Variants in PRKG1 observed in about 807,000 individuals in gnomAD.
PRKG1 encodes the protein protein kinase cGMP-dependent 1, also known as cGMP-dependent protein kinase 1.
Under a neutral mutation model 88.1 loss-of-function variants are expected in PRKG1, and 35 were observed. That is an observed-to-expected ratio of 0.40 (90% CI 0.30 to 0.53). The LOEUF (loss-of-function observed/expected upper bound fraction) is 0.53, where lower values mean the gene tolerates loss of function less well. PRKG1 is among the 20% of genes least tolerant of loss of function. PRKG1 has a pLI of 0.59. For synonymous variants in PRKG1, 303 were observed against 292.5 expected, an observed-to-expected ratio of 1.04 and a Z score of -0.37; for missense variants, 540 against 839.8, an observed-to-expected ratio of 0.64 and a Z score of 4.41.
intron 8 of PRKG1, among the ~76,000 whole-genome samples, chr10:52,134,512 A>C (rs1041155101): frequency 7.9e-5 from 12 of 152,260 alleles, no homozygotes; most frequent in African/African-American, 2.9e-4. Flanking sequence ...ATGCTTTATA[A>C]GTTAAGCTGC....
At chr10:52,274,327 T>A (rs2132437295) in intron 12 of PRKG1, among the ~76,000 whole-genome samples, 1 of 147,788 alleles carries the variant, frequency 6.8e-6, no homozygotes, top group East Asian at 2.1e-4. Context: ...TCGTATGCCT[T>A]TGTATCCTCA....
intron 9 of PRKG1, among the ~76,000 whole-genome samples, chr10:52,218,670 G>A (rs1374675309): frequency 6.6e-6 from 1 of 152,040 alleles, no homozygotes; most frequent in East Asian, 1.9e-4. Flanking sequence ...AGAAAATTGT[G>A]TTGCAAAAAT....
rs116550635 is a variant in PRKG1 at position 51,420,553 on chromosome 10, C to A, written c.479-47170C>A. Among the ~76,000 whole-genome samples, 1,022 of 152,254 alleles carry A rather than the reference C, an allele frequency of 6.7e-3. 13 individuals carry two copies. The highest frequency in any genetic ancestry group is 0.024 in the African/African-American group (986 of 41,550). Reference sequence around the variant, plus strand: ...AAAACAGCAAATCCAGAGGTATCATCTAGGGGCTGAGAACCACAGTAGCTA... The same window carrying A: ...AAAACAGCAAATCCAGAGGTATCATATAGGGGCTGAGAACCACAGTAGCTA... On this transcript the variant is annotated intron_variant, in intron 2 of 17. Transcript: ENST00000373980.
In PRKG1 at chr10:52,197,435, T is replaced by C. The variant is rs375945022; in HGVS notation, c.1076+35472T>C. Among the ~76,000 whole-genome samples, 18 of 152,012 alleles carry C rather than the reference T, an allele frequency of 1.2e-4. No homozygotes were observed. The East Asian group carries it at 1.7e-3, about 15-fold the overall frequency. On this transcript the variant is annotated intron_variant, in intron 9 of 17. Transcript: ENST00000373980. ...ATATCAAGAGAATAGAAACATTTAC[T>C]TATGACAAGTGTTATGTCCTTGTGA...
At chr10:51,979,299 G>T (rs1843931834) in intron 5 of PRKG1, among the ~76,000 whole-genome samples, 1 of 151,420 alleles carries the variant, frequency 6.6e-6, no homozygotes, top group African/African-American at 2.4e-5. Flanking sequence ...GAATCTTAGG[G>T]ATAAAGCCTA....
chr10:51,633,281 A>G (rs1839572009), intron 3 of PRKG1, among the ~76,000 whole-genome samples: 1 of 152,062 alleles, frequency 6.6e-6, no homozygotes, highest in Admixed American at 6.6e-5. Flanking sequence ...TTTCTATACT[A>G]AAAGAAAAAA....
chr10:51,719,305 A>G (rs1046551523), intron 3 of PRKG1, among the ~76,000 whole-genome samples: 1 of 152,140 alleles, frequency 6.6e-6, no homozygotes, highest in African/African-American at 2.4e-5. Flanking sequence ...AAAAGCAGTA[A>G]CTTTATAATG....
At chr10:51,592,573 T>C (rs1319785189) in intron 3 of PRKG1, among the ~76,000 whole-genome samples, 1 of 152,176 alleles carries the variant, frequency 6.6e-6, no homozygotes, top group African/African-American at 2.4e-5. Flanking sequence ...GAGGATTCCA[T>C]GGCCTTCGTC....
At chr10:51,922,387 A>G (rs1233622740) in intron 5 of PRKG1, among the ~76,000 whole-genome samples, 1 of 151,148 alleles carries the variant, frequency 6.6e-6, no homozygotes, top group Non-Finnish European at 1.5e-5. Context: ...TTTTGTTTTC[A>G]GTTTCATTGA....
At chr10:51,939,435 C>G (rs973143575) in intron 5 of PRKG1, among the ~76,000 whole-genome samples, 2 of 151,762 alleles carry the variant, frequency 1.3e-5, no homozygotes, top group African/African-American at 2.4e-5. Context: ...TTGATTACAA[C>G]CCTGAACAGA....
chr10:51,221,640 AC>A (rs1293064504), intron 2 of PRKG1, among the ~76,000 whole-genome samples: 1 of 151,468 alleles, frequency 6.6e-6, no homozygotes, highest in Non-Finnish European at 1.5e-5. Flanking sequence ...AGATTGGCAA[AC>A]TTTTTTTTTC....
At chr10:51,889,986 A>C (rs1230895913) in intron 4 of PRKG1, among the ~76,000 whole-genome samples, 1 of 152,040 alleles carries the variant, frequency 6.6e-6, no homozygotes, top group Non-Finnish European at 1.5e-5. Context: ...AGATTGCAAA[A>C]ATTTTCTCCC....
intron 10 of PRKG1, among the ~76,000 whole-genome samples, chr10:52,257,988 A>G (rs887109022): frequency 7.2e-6 from 1 of 139,724 alleles, no homozygotes; most frequent in South Asian, 2.3e-4. Context: ...GCATTACTTC[A>G]TCTCATTATT....
chr10:51,905,428 G>A (rs1413350098), intron 4 of PRKG1, among the ~76,000 whole-genome samples: 1 of 152,092 alleles, frequency 6.6e-6, no homozygotes, highest in African/African-American at 2.4e-5. Context: ...TGGTATCATT[G>A]TAATCAAGCC....
chr10:51,530,008 T>G (rs935982381), intron 3 of PRKG1, among the ~76,000 whole-genome samples: 1 of 152,204 alleles, frequency 6.6e-6, no homozygotes, highest in Non-Finnish European at 1.5e-5. Context: ...TTTTAACTAG[T>G]CTGGAAGCAA....
intron 4 of PRKG1, among the ~76,000 whole-genome samples, chr10:51,848,995 A>G (rs1840477614): frequency 6.6e-6 from 1 of 152,152 alleles, no homozygotes; most frequent in African/African-American, 2.4e-5. Context: ...TTTAAACTAC[A>G]AAATCATAGT....
chr10:51,419,804 ATTT>A (rs1415273874), intron 2 of PRKG1, among the ~76,000 whole-genome samples: 2 of 142,186 alleles, frequency 1.4e-5, no homozygotes. Flanking sequence ...AGAGCCAATA[ATTT>A]TTTTTTTTTT....
chr10:51,880,824 G>A (rs1241306803), intron 4 of PRKG1, among the ~76,000 whole-genome samples: 1 of 152,136 alleles, frequency 6.6e-6, no homozygotes, highest in Non-Finnish European at 1.5e-5. Context: ...CAACCTATCG[G>A]TTCATCAATT....
At position 51,587,306 on chromosome 10, in the gene PRKG1, G is replaced by A. The variant is rs138619058; in HGVS notation, c.592+119470G>A. On this transcript the variant is annotated intron_variant, in intron 3 of 17. Coordinates refer to ENST00000373980, the MANE Select transcript of PRKG1 (RefSeq NM_006258.4). ...GAAAGGGAATTTTTCCTAAAGCGAA[G>A]CTGTAATGAATAGCAGCAGTTTTAT... 7.9e-5 allele frequency among the ~76,000 whole-genome samples: 12 copies of A among 152,286 alleles called. No homozygotes were observed. The East Asian group carries it at 1.7e-3, about 22-fold the overall frequency.
Sources: gnomAD v4.1 joint callset for allele counts (sites outside exome capture counted in the v4.1 genomes callset) on GRCh38, gnomAD v4.1.1 for gene constraint, MANE v1.5 for transcripts, NCBI Gene and HGNC (gene_info 2026-07-23, HGNC 2026-07-21) for gene names.